The following PLEKHA4 variants were observed in gnomAD, a reference collection of about 807,000 sequenced individuals.
PLEKHA4 encodes the protein pleckstrin homology domain-containing family A member 4.
A neutral mutation model predicts 94.7 loss-of-function variants in PLEKHA4; 73 were observed. That is an observed-to-expected ratio of 0.77 (90% CI 0.64 to 0.94). The LOEUF (loss-of-function observed/expected upper bound fraction) is 0.94. PLEKHA4 is among the 40% of genes least tolerant of loss of function. PLEKHA4 has a pLI of 0.00. For synonymous variants in PLEKHA4, 449 were observed against 437.1 expected (o/e 1.03, Z -0.34); for missense variants, 1,049 against 1,054.1 (o/e 1.00, Z 0.07).
intron 3 of PLEKHA4, among the ~76,000 whole-genome samples, chr19:48,863,432 G>GTTTTTTTTTTTTT (rs113645066): frequency 9.5e-6 from 1 of 104,722 alleles, no homozygotes; most frequent in Non-Finnish European, 2.1e-5. Flanking sequence ...TAGGTTTTTT[G>GTTTTTTTTTTTTT]TTTTTTTTTT....
In PLEKHA4 at chr19:48,841,160, C is replaced by T. The variant is rs199595436; in HGVS notation, c.1894G>A (p.Val632Met). 2.9e-5 allele frequency: 46 copies of T among 1,609,780 alleles called. No homozygotes were observed. The highest frequency in any genetic ancestry group is 2.3e-4 in the African/African-American group (17 of 74,862). The change falls in exon 17 of 20, where the codon GTG (valine) becomes ATG (methionine). Residue 632 changes from valine to methionine, a missense_variant. By Grantham distance (21) the Val-to-Met change is conservative. Coordinates refer to ENST00000263265, the MANE Select transcript of PLEKHA4 (RefSeq NM_020904.3). The stretch of plus-strand genomic sequence containing the variant: ...CCTCCTCCCCTCACCCTTTGCTCCA[C>T]GTCAGGCTGGCGTCTGGCTGGGGAC... ...TLSPARRQPD[V>M]EQRPVVGHSG... is the part of the protein sequence containing the mutation.
chr19:48,843,624 G>T (rs1282664261), intron 16 of PLEKHA4, among the ~76,000 whole-genome samples: 1 of 151,938 alleles, frequency 6.6e-6, no homozygotes, highest in East Asian at 1.9e-4. Context: ...GGGACCACAG[G>T]TGGGCACCAC....
rs370888432 is a variant in PLEKHA4, at chr19:48,861,684, C to G, written c.201G>C (p.Ser67=). ...AGCGGCGTTTCCAGAGACGGAGCCC[C>G]GAGCTGTCCTGGGGAGAGAGATGGG... ...IRGWLHKQDS[S]GLRLWKRRWF... Residue 67 remains serine, a synonymous_variant, in exon 4 of 20, where the codon TCG becomes TCC. Coordinates refer to ENST00000263265, the MANE Select transcript of PLEKHA4 (RefSeq NM_020904.3). 1.2e-5 allele frequency: 19 copies of G among 1,613,844 alleles called. No individual in the cohort carries two copies. Among genetic ancestry groups the G allele is most frequent in the Non-Finnish European group, 1.6e-5 (19 of 1,179,828 alleles).
chr19:48,860,251 T>C (rs1599922562), intron 6 of PLEKHA4, 99 bp downstream of exon 6: 20 of 992,402 alleles, frequency 2.0e-5, no homozygotes, highest in Non-Finnish European at 2.5e-5. Flanking sequence ...AGACTGGTGA[T>C]TGGACACTCA....
chr19:48,853,586 G>C (rs1599897873), intron 12 of PLEKHA4, 96 bp downstream of exon 12: 2 of 1,230,236 alleles, frequency 1.6e-6, no homozygotes, highest in Non-Finnish European at 2.1e-6. Flanking sequence ...TCTGAAGAAC[G>C]ATCTTCCTAT....
intron 16 of PLEKHA4, among the ~76,000 whole-genome samples, chr19:48,842,688 C>T (rs554777072): frequency 1.3e-5 from 2 of 152,336 alleles, no homozygotes; most frequent in Non-Finnish European, 2.9e-5. Context: ...GAAACCTCCA[C>T]ATGCTGGTGG....
rs2036797551 is a variant in PLEKHA4, at chr19:48,865,503, C to T, written c.192G>A (p.Gln64=). Residue 64 remains glutamine (Q), a splice_region_variant and synonymous_variant, in exon 3 of 20, where the codon CAG becomes CAA. Coordinates refer to ENST00000263265, the MANE Select transcript of PLEKHA4 (RefSeq NM_020904.3). ...CTTTTCCTTCTCCTACTGACCCCAC[C>T]TGCTTATGAAGCCAGCCTCGGATGT... ...PVHIRGWLHK[Q]DSSGLRLWKR... is the part of the protein sequence containing the mutation. The T allele has an allele frequency of 6.2e-7, 1 of 1,612,984 alleles. No individual in the cohort carries two copies. Among genetic ancestry groups the T allele is most frequent in the African/African-American group, 1.3e-5 (1 of 74,880 alleles).
chr19:48,859,425 C>T (rs2036551361), intron 7 of PLEKHA4, 44 bp downstream of exon 7: 2 of 1,600,748 alleles, frequency 1.2e-6, no homozygotes, highest in Non-Finnish European at 8.5e-7. Context: ...TCCGGCCCTG[C>T]CCTTCTCTTA....
At chr19:48,861,980 A>G (rs2036658861) in intron 3 of PLEKHA4, among the ~76,000 whole-genome samples, 1 of 151,634 alleles carries the variant, frequency 6.6e-6, no homozygotes. Context: ...AAAAAAAATT[A>G]GCCAGGTGTG....
Position 48,859,038 on chromosome 19 carries a change from G to A in PLEKHA4, c.794C>T (p.Pro265Leu), listed in dbSNP as rs767142215. ...CAACGGGGTGTGAGGTCGGGCAGGG[G>A]GTGCTGTGTCTCCTGAGGGGGCAGG... ...RPPAPSGDTA[P>L]PARPHTPLSR... is the part of the protein sequence containing the mutation. The change falls in exon 8 of 20, where the codon CCC (proline) becomes CTC (leucine). Residue 265 changes from proline (P) to leucine (L), a missense_variant. Coordinates refer to ENST00000263265, the MANE Select transcript of PLEKHA4 (RefSeq NM_020904.3). 2 of 1,554,100 alleles carry A rather than the reference G, an allele frequency of 1.3e-6. No individual in the cohort carries two copies. The highest frequency in any genetic ancestry group is 2.4e-5 in the East Asian group (1 of 42,268).
intron 6 of PLEKHA4, 200 bp from the exon 7 acceptor site, chr19:48,859,884 G>C: frequency 1.6e-6 from 1 of 621,456 alleles, no homozygotes. Flanking sequence ...GTCTATCCAG[G>C]TTGCTGGACC....
At chr19:48,858,488 G>A (rs1242879530) in intron 8 of PLEKHA4, among the ~76,000 whole-genome samples, 1 of 151,890 alleles carries the variant, frequency 6.6e-6, no homozygotes, top group African/African-American at 2.4e-5. Flanking sequence ...TCAGCCGGAC[G>A]TGGTGGCAGG....
chr19:48,855,120 ATAT>A (rs1178282612), intron 9 of PLEKHA4, among the ~76,000 whole-genome samples: 2 of 152,072 alleles, frequency 1.3e-5, no homozygotes, highest in Admixed American at 1.3e-4. Flanking sequence ...GCCATGGCAA[ATAT>A]TATAATTAAT....
chr19:48,861,472 C>T lies in PLEKHA4; in HGVS notation c.295G>A (p.Val99Ile), dbSNP rs369244059. ...CTAATATTGTAGCTGGGGAGCAGGA[C>T]GCTGCCTAGGACACTCTCCTCGCGG... is the stretch of plus-strand genomic sequence containing the variant. Reference protein sequence around the residue: ...DSREESVLGSVLLPSYNIRPD... With the variant: ...DSREESVLGSILLPSYNIRPD... Residue 99 changes from valine to isoleucine, a missense_variant, in exon 5 of 20, where the codon GTC (valine) becomes ATC (isoleucine). Physicochemically the swap from Val to Ile is conservative, Grantham distance 29. Transcript: ENST00000263265. 5.5e-5 allele frequency: 88 copies of T among 1,613,976 alleles called. No homozygotes were observed. The highest frequency in any genetic ancestry group is 6.7e-5 in the Admixed American group (4 of 59,984).
intron 14 of PLEKHA4, 89 bp from the exon 15 acceptor site, chr19:48,845,705 G>A (rs745705440): frequency 8.7e-5 from 96 of 1,097,752 alleles, no homozygotes; most frequent in Non-Finnish European, 1.2e-4. Flanking sequence ...TTGGAATACA[G>A]TCTGAATAGG....
chr19:48,853,722 C>A lies in PLEKHA4; in HGVS notation c.1286G>T (p.Arg429Leu). Residue 429 changes from arginine (R) to leucine (L), a missense_variant, in exon 12 of 20, where the codon CGG becomes CTG. Coordinates refer to ENST00000263265, the MANE Select transcript of PLEKHA4 (RefSeq NM_020904.3). ...AWGRQRLLQDRLVSVRATLCH... is the reference protein window; with the variant it reads ...AWGRQRLLQDLLVSVRATLCH... ...GAGGGTGGCCCTCACACTGACCAGC[C>A]GGTCCTGCAAGAGGCGCTGGCGACC... 1.9e-6 allele frequency: 3 copies of A among 1,607,276 alleles called. No individual in the cohort carries two copies. Among genetic ancestry groups the A allele is most frequent in the Non-Finnish European group, 2.5e-6 (3 of 1,177,746 alleles).
At chr19:48,849,558 C>T (rs1484588770) in intron 13 of PLEKHA4, among the ~76,000 whole-genome samples, 2 of 152,196 alleles carry the variant, frequency 1.3e-5, no homozygotes, top group African/African-American at 2.4e-5. Flanking sequence ...ATCCACCTGC[C>T]TTGGCCTCCC....
chr19:48,837,252 G>C lies in PLEKHA4; in HGVS notation c.*37C>G, dbSNP rs1599854047. ...ATCTCCGGCGGTACCTCCAGACCAC[G>C]TCCTCGCGCTCCGATTGGCTGCCGC... On this transcript the variant is annotated 3_prime_UTR_variant, in exon 20 of 20. Transcript: ENST00000263265. This position sits in a 1 kb window ranked among gnomAD's most constrained non-coding sequence, Gnocchi z 4.3. The C allele has an allele frequency of 6.2e-7, 1 of 1,613,846 alleles. No individual in the cohort carries two copies. Among genetic ancestry groups the C allele is most frequent in the East Asian group, 2.2e-5 (1 of 44,876 alleles).
rs1028452616 is a variant in PLEKHA4, at chr19:48,867,442, A to T, written c.84+95T>A. 2.1e-6 allele frequency: 3 copies of T among 1,405,782 alleles called. No homozygotes were observed. Among genetic ancestry groups the T allele is most frequent in the South Asian group, 2.5e-5 (2 of 79,280 alleles). The allele number at this position is 1,405,782 out of a possible 1,614,324, so 87.1% of individuals were successfully genotyped here. A position where few individuals can be genotyped will look rare whatever the true frequency, so the allele number is the denominator to read the frequency against. ...TGTCTGGCAGACCCCGTTGCTAAGGATCTTTGTCCTTAACAACCAGAGTCC... is the reference window on the plus strand; with the variant it reads ...TGTCTGGCAGACCCCGTTGCTAAGGTTCTTTGTCCTTAACAACCAGAGTCC... On this transcript the variant is annotated intron_variant, in intron 2 of 19. Transcript: ENST00000263265. The surrounding 1 kb of genome is among the most constrained non-coding windows in gnomAD (Gnocchi z 4.7).
Sources: allele counts gnomAD v4.1 joint callset (sites outside exome capture counted in the v4.1 genomes callset), GRCh38; gene constraint gnomAD v4.1.1; non-coding constraint Gnocchi (gnomAD v3.1); transcripts MANE v1.5; gene names NCBI Gene and HGNC (gene_info 2026-07-23, HGNC 2026-07-21).